SLC28A2: variants seen among roughly 807,000 people sequenced by gnomAD.
SLC28A2 encodes the protein sodium/nucleoside cotransporter 2.
In SLC28A2, 69 loss-of-function variants were observed where a neutral mutation model predicts 72.9. The ratio of observed to expected loss-of-function variants is 0.95; its 90% CI spans 0.78 to 1.16. The LOEUF (loss-of-function observed/expected upper bound fraction) is 1.16, where lower values mean the gene tolerates loss of function less well. Ranked by LOEUF, SLC28A2 falls within the 50% of genes most tolerant of loss-of-function variation. SLC28A2 has a pLI of 0.00. For missense variants in SLC28A2, 745 were observed against 791.1 expected (o/e 0.94, Z 0.70); for synonymous variants, 296 against 294.1 (o/e 1.01, Z -0.07).
chr15:45,272,924 G>T (rs566108101), intron 17 of SLC28A2, 140 bp downstream of exon 17: 30 of 578,038 alleles, frequency 5.2e-5, no homozygotes, highest in Non-Finnish European at 8.4e-5. Flanking sequence ...CTTATTGGGT[G>T]CATCTTCATT....
intron 3 of SLC28A2, among the ~76,000 whole-genome samples, chr15:45,260,368 G>A (rs1051483794): frequency 9.9e-5 from 15 of 152,198 alleles, no homozygotes; most frequent in African/African-American, 3.6e-4. Flanking sequence ...AGTGGTGCTG[G>A]AGGAGCACAC....
At chr15:45,263,740 C>A in intron 5 of SLC28A2, 141 bp from the exon 6 acceptor site, 7 of 693,850 alleles carry the variant, frequency 1.0e-5, no homozygotes, top group Non-Finnish European at 1.4e-5. Context: ...CTGGCGTCTA[C>A]AGCAGCCACA....
chr15:45,265,042 T>G, intron 7 of SLC28A2, 47 bp from the exon 8 acceptor site: 2 of 1,415,462 alleles, frequency 1.4e-6, no homozygotes, highest in Non-Finnish European at 2.0e-6. Flanking sequence ...TGTGTGTCCT[T>G]TTGGGTTTCA....
In SLC28A2 at chr15:45,254,168, A is replaced by G. The variant is rs139497116; in HGVS notation, c.170+648A>G. ...TAAAATAGATCATATGGAAAGAAGC[A>G]ATGTTCCATGGTCTGGAAAACAGTG... On this transcript the variant is annotated intron_variant, in intron 3 of 17. Coordinates refer to ENST00000347644, the MANE Select transcript of SLC28A2 (RefSeq NM_004212.4). 5.7e-4 allele frequency among the ~76,000 whole-genome samples: 87 copies of G among 152,300 alleles called. 1 individual carries two copies. Among genetic ancestry groups the G allele is most frequent in the African/African-American group, 1.9e-3 (81 of 41,558 alleles).
rs1040991955 is a variant in SLC28A2, at chr15:45,276,050, T to C, written c.*537T>C. On this transcript the variant is annotated 3_prime_UTR_variant, in exon 18 of 18. Transcript: ENST00000347644. Reference sequence around the variant, plus strand: ...AAAAAATGGCATTCCTCATGGGCCCTGCCTGAACTTTCATTTGAAAAAATA... The same window carrying C: ...AAAAAATGGCATTCCTCATGGGCCCCGCCTGAACTTTCATTTGAAAAAATA... The C allele has an allele frequency of 6.6e-6, 1 of 152,298 alleles. No homozygotes were observed. Among genetic ancestry groups the C allele is most frequent in the African/African-American group, 2.4e-5 (1 of 41,392 alleles). 9.4% of individuals were successfully genotyped at this position (152,298 alleles called of 1,614,324 possible).
In SLC28A2 at chr15:45,269,402, C is replaced by T. The variant is rs760070151; in HGVS notation, c.1433C>T (p.Pro478Leu). ...FMMGVEWTDC[P>L]MVAEMVGIKF... ...ATGGGTGTAGAGTGGACAGACTGTC[C>T]AATGGTGGCTGAGATGGTGGGAATC... Residue 478 changes from proline (P) to leucine (L), a missense_variant, in exon 14 of 18, where the codon CCA becomes CTA. Pro to Leu is a moderately conservative substitution (Grantham distance 98). Coordinates refer to ENST00000347644, the MANE Select transcript of SLC28A2 (RefSeq NM_004212.4). The T allele has an allele frequency of 8.7e-6, 14 of 1,613,850 alleles. No homozygotes were observed. Among genetic ancestry groups the T allele is most frequent in the Non-Finnish European group, 1.0e-5 (12 of 1,179,954 alleles).
intron 13 of SLC28A2, among the ~76,000 whole-genome samples, 190 bp downstream of exon 13, chr15:45,268,568 A>G (rs904456911): frequency 8.7e-4 from 133 of 152,302 alleles, no homozygotes; most frequent in Non-Finnish European, 1.3e-3. Flanking sequence ...CACTGTTGGT[A>G]GGACTGTAAA....
intron 3 of SLC28A2, 63 bp downstream of exon 3, chr15:45,253,583 C>A: frequency 9.7e-7 from 1 of 1,032,590 alleles, no homozygotes; most frequent in Non-Finnish European, 1.5e-6. Flanking sequence ...CCCCTTCAGG[C>A]AGCTTGTGGT....
chr15:45,265,275 A>G, intron 8 of SLC28A2, 109 bp downstream of exon 8: 1 of 797,586 alleles, frequency 1.3e-6, no homozygotes, highest in Non-Finnish European at 2.2e-6. Context: ...TACCAATTTG[A>G]CCCTAACAAG....
intron 3 of SLC28A2, among the ~76,000 whole-genome samples, chr15:45,254,171 G>A (rs1899900533): frequency 6.6e-6 from 1 of 152,130 alleles, no homozygotes; most frequent in African/African-American, 2.4e-5. Flanking sequence ...AAGAAGCAAT[G>A]TTCCATGGTC....
intron 3 of SLC28A2, chr15:45,255,260 A>AG (rs773242090): frequency 5.9e-5 from 9 of 151,614 alleles, no homozygotes; most frequent in African/African-American, 2.2e-4. Flanking sequence ...TCTTGAAAAA[A>AG]AAAAAAGAAG....
Position 45,268,471 on chromosome 15 carries a change from C to T in SLC28A2, c.1368+93C>T, listed in dbSNP as rs976036778. ...CCAAATCAAAACCACAATGAGATAC[C>T]ATCTCACACCAGTTAGAATGGCAAT... On this transcript the variant is annotated intron_variant, in intron 13 of 17. Transcript: ENST00000347644. The T allele has an allele frequency of 4.6e-5, 46 of 989,560 alleles. No homozygotes were observed. The Admixed American group carries it at 9.5e-4, about 20-fold the overall frequency. 61.3% of individuals were successfully genotyped at this position (989,560 alleles called of 1,614,324 possible). A position where few individuals can be genotyped will look rare whatever the true frequency, so the allele number is the denominator to read the frequency against.
chr15:45,261,657 C>G (rs908770464), intron 3 of SLC28A2, among the ~76,000 whole-genome samples: 38 of 152,100 alleles, frequency 2.5e-4, no homozygotes, highest in African/African-American at 8.5e-4. Context: ...CAAATTGCCT[C>G]TAAGAAGAAC....
intron 17 of SLC28A2, among the ~76,000 whole-genome samples, chr15:45,274,223 A>T (rs757781187): frequency 2.0e-5 from 3 of 152,136 alleles, no homozygotes; most frequent in Non-Finnish European, 4.4e-5. Flanking sequence ...TATGGGCTAG[A>T]CACAGTGGCT....
chr15:45,271,053 CAGTA>C (rs1288448486), intron 15 of SLC28A2, among the ~76,000 whole-genome samples: 8 of 152,132 alleles, frequency 5.3e-5, no homozygotes, highest in African/African-American at 1.9e-4. Context: ...GGCAGATAGA[CAGTA>C]AGAGAGAGTG....
chr15:45,273,017 TG>T (rs1210852302), intron 17 of SLC28A2, among the ~76,000 whole-genome samples: 2 of 152,098 alleles, frequency 1.3e-5, no homozygotes, highest in African/African-American at 4.8e-5. Flanking sequence ...AGAAGAAAAA[TG>T]GTTTCCCTGA....
At chr15:45,254,462 G>A (rs9921035) in intron 3 of SLC28A2, among the ~76,000 whole-genome samples, 72,039 of 152,052 alleles carry the variant, frequency 0.47, 20,731 homozygotes, top group Non-Finnish European at 0.67. Flanking sequence ...TGCTATAGTT[G>A]CCTACAGTAT....
At chr15:45,264,494 G>A in intron 6 of SLC28A2, 161 bp from the exon 7 acceptor site, 1 of 602,594 alleles carries the variant, frequency 1.7e-6, no homozygotes, top group Non-Finnish European at 3.0e-6. Flanking sequence ...GTATATTACT[G>A]CCCTGTTTCT....
Position 45,267,927 on chromosome 15 carries a change from T to G in SLC28A2, c.1199+131T>G, listed in dbSNP as rs530244986. On this transcript the variant is annotated intron_variant, in intron 12 of 17. Transcript: ENST00000347644. ...CATATTCCTTCTTGCCTATCTCTGG[T>G]GCTTGCTAATCATGCTGGTTTTCTT... is the stretch of plus-strand genomic sequence containing the variant. 34 of 1,173,588 alleles carry G rather than the reference T, an allele frequency of 2.9e-5. No individual in the cohort carries two copies. The South Asian group carries it at 4.7e-4, about 16-fold the overall frequency. The allele number at this position is 1,173,588 out of a possible 1,614,324, so 72.7% of individuals were successfully genotyped here.
Sources: allele counts gnomAD v4.1 joint callset (sites outside exome capture counted in the v4.1 genomes callset), GRCh38; gene constraint gnomAD v4.1.1; transcripts MANE v1.5; gene names NCBI Gene and HGNC (gene_info 2026-07-23, HGNC 2026-07-21).